The following WDR33 variants were observed in gnomAD, a reference collection of about 807,000 sequenced individuals.
WDR33 encodes WD repeat domain 33, also known as pre-mRNA 3' end processing protein WDR33.
Under a neutral mutation model 164.9 loss-of-function variants are expected in WDR33, and 47 were observed. That is an observed-to-expected ratio of 0.29 (90% CI 0.23 to 0.36). The LOEUF (loss-of-function observed/expected upper bound fraction) is 0.36, where lower values mean the gene tolerates loss of function less well. Ranked by LOEUF, WDR33 falls within the 10% of genes least tolerant of loss-of-function variation. The pLI, the probability that WDR33 is intolerant of heterozygous loss-of-function variation, is 1.00. For synonymous variants in WDR33, 505 were observed against 589.0 expected, an observed-to-expected ratio of 0.86 and a Z score of 2.06; for missense variants, 1,137 against 1,754.1, an observed-to-expected ratio of 0.65 and a Z score of 6.28.
intron 1 of WDR33, among the ~76,000 whole-genome samples, chr2:127,805,399 C>A (rs1573491015): frequency 6.6e-6 from 1 of 151,790 alleles, no homozygotes; most frequent in African/African-American, 2.4e-5. Flanking sequence ...AGTATTTTTG[C>A]CAAAAATATT....
rs952203577 is a variant in WDR33 at position 127,701,516 on chromosome 2, C to T, written c.*4807G>A. ...AGCCGCAGCTTTTCCTTTCTGCCAC[C>T]GCCTTGTCCAAGATGGCGGACCTCC... On this transcript the variant is annotated 3_prime_UTR_variant, in exon 22 of 22. Transcript: ENST00000322313. 15 of 1,296,334 alleles carry T rather than the reference C, an allele frequency of 1.2e-5. No individual in the cohort carries two copies. Among genetic ancestry groups the T allele is most frequent in the Non-Finnish European group, 1.4e-5 (14 of 1,018,396 alleles). 80.3% of individuals were successfully genotyped at this position (1,296,334 alleles called of 1,614,324 possible).
chr2:127,782,886 G>A (rs1240299944), intron 1 of WDR33, among the ~76,000 whole-genome samples: 3 of 152,152 alleles, frequency 2.0e-5, no homozygotes, highest in African/African-American at 7.2e-5. Flanking sequence ...GCAGGCGCCT[G>A]TAGTCCCAGC....
chr2:127,740,255 G>A (rs547403144), intron 7 of WDR33, among the ~76,000 whole-genome samples: 1 of 152,198 alleles, frequency 6.6e-6, no homozygotes, highest in South Asian at 2.1e-4. Context: ...CTCATTTCTA[G>A]GGGGACAAAA....
chr2:127,706,260 G>T lies in WDR33; in HGVS notation c.*63C>A. 1 of 1,394,332 alleles carries T rather than the reference G, an allele frequency of 7.2e-7. No homozygotes were observed. The highest frequency in any genetic ancestry group is 9.6e-7 in the Non-Finnish European group (1 of 1,046,340). 86.4% of individuals were successfully genotyped at this position (1,394,332 alleles called of 1,614,324 possible). ...TGCAGGCTTCCTTTTGTTTCTCTTG[G>T]TGAGTCCACAAGAAGTTCTTACATA... On this transcript the variant is annotated 3_prime_UTR_variant, in exon 22 of 22. Coordinates refer to ENST00000322313, the MANE Select transcript of WDR33 (RefSeq NM_018383.5). The surrounding 1 kb of genome is among the most constrained non-coding windows in gnomAD (Gnocchi z 5.1).
Position 127,735,316 on chromosome 2 carries a change from C to G in WDR33, c.725-8539G>C. ...CATCAGATCCTAAGGAACCTGTTAC[C>G]CCAAGCCCCTAAATAACCTGTCTTG... On this transcript the variant is annotated intron_variant, in intron 7 of 21. Transcript: ENST00000322313. This position sits in a 1 kb window ranked among gnomAD's most constrained non-coding sequence, Gnocchi z 4.3. The G allele has an allele frequency of 1.1e-6, 1 of 939,230 alleles. No homozygotes were observed. The highest frequency in any genetic ancestry group is 1.3e-6 in the Non-Finnish European group (1 of 787,868). 58.2% of individuals were successfully genotyped at this position (939,230 alleles called of 1,614,324 possible).
Position 127,771,092 on chromosome 2 carries a change from C to A in WDR33, c.-23-88G>T, listed in dbSNP as rs1573435783. ...TTTTAAATGAACACTTTTTACATTTCTTTTCCCTTATCTAACGTGCATCAT... is the reference window on the plus strand; with the variant it reads ...TTTTAAATGAACACTTTTTACATTTATTTTCCCTTATCTAACGTGCATCAT... On this transcript the variant is annotated intron_variant, in intron 1 of 21. Coordinates refer to ENST00000322313, the MANE Select transcript of WDR33 (RefSeq NM_018383.5). The A allele has an allele frequency of 1.2e-5, 12 of 1,012,094 alleles. No homozygotes were observed. The East Asian group carries it at 1.6e-4, about 13-fold the overall frequency. The allele number at this position is 1,012,094 out of a possible 1,614,324, so 62.7% of individuals were successfully genotyped here.
rs151251902 is a variant in WDR33 at position 127,729,217 on chromosome 2, A to T, written c.725-2440T>A. Reference sequence around the variant, plus strand: ...AAGTATGTGTAGCGACTCATTTTACATCTGAAGACTGTAAAGCGCAGACAG... The same window carrying T: ...AAGTATGTGTAGCGACTCATTTTACTTCTGAAGACTGTAAAGCGCAGACAG... On this transcript the variant is annotated intron_variant, in intron 7 of 21. Transcript: ENST00000322313. Among the ~76,000 whole-genome samples, 1,424 of 152,370 alleles carry T rather than the reference A, an allele frequency of 9.3e-3. 66 individuals carry two copies. The highest frequency in any genetic ancestry group is 0.08 in the Admixed American group (1,223 of 15,300).
chr2:127,800,553 C>T (rs747080972), intron 1 of WDR33, among the ~76,000 whole-genome samples: 5 of 149,650 alleles, frequency 3.3e-5, no homozygotes, highest in East Asian at 2.0e-4. Context: ...AGGAGAATGG[C>T]ATGAACCCAG....
rs1686356570 is a variant in WDR33, at chr2:127,718,824, C to A, written c.2760+441G>T. On this transcript the variant is annotated intron_variant, in intron 16 of 21. Transcript: ENST00000322313. The surrounding 1 kb of genome is among the most constrained non-coding windows in gnomAD (Gnocchi z 4.4). The stretch of plus-strand genomic sequence containing the variant: ...ATCTTTTAAAAGTAGAGTTGGCAGA[C>A]AGGAAGTGATTCTGTGGCTGGCAGG... Among the ~76,000 whole-genome samples the A allele has an allele frequency of 3.3e-5, 5 of 152,236 alleles. No homozygotes were observed. Among genetic ancestry groups the A allele is most frequent in the African/African-American group, 9.6e-5 (4 of 41,538 alleles).
In WDR33 at chr2:127,719,521, C is replaced by A; in HGVS notation, c.2504G>T (p.Gly835Val). 1 of 1,613,784 alleles carries A rather than the reference C, an allele frequency of 6.2e-7. No individual in the cohort carries two copies. The highest frequency in any genetic ancestry group is 8.5e-7 in the Non-Finnish European group (1 of 1,179,852). ...TCCTTGGGGTGGAGGCCCCTGCATG[C>A]CTCGGATCTCCTGAGGACCTCTCAT... The part of the protein sequence containing the change: ...QEMRGPQEIR[G>V]MQGPPPQGSM... The change falls in exon 16 of 22, where the codon GGC (glycine) becomes GTC (valine). Residue 835 changes from glycine (G) to valine (V), a missense_variant. This residue lies in a region of WDR33 where 867 missense variants were observed against 1,073.0 expected (regional missense o/e 0.81). Coordinates refer to ENST00000322313, the MANE Select transcript of WDR33 (RefSeq NM_018383.5). This position sits in a 1 kb window ranked among gnomAD's most constrained non-coding sequence, Gnocchi z 6.5.
At chr2:127,788,295 G>A (rs1484482496) in intron 1 of WDR33, among the ~76,000 whole-genome samples, 1 of 127,474 alleles carries the variant, frequency 7.8e-6, no homozygotes, top group Non-Finnish European at 1.7e-5. Flanking sequence ...CGGGCGGGGG[G>A]CTGACCCCCC....
intron 18 of WDR33, among the ~76,000 whole-genome samples, chr2:127,711,994 G>A (rs536692059): frequency 1.3e-3 from 196 of 150,624 alleles, no homozygotes; most frequent in African/African-American, 4.4e-3. Flanking sequence ...GGCTGGTCTC[G>A]AACTCCTGAC....
intron 7 of WDR33, among the ~76,000 whole-genome samples, chr2:127,733,497 G>A (rs1686761827): frequency 6.6e-6 from 1 of 152,144 alleles, no homozygotes; most frequent in Non-Finnish European, 1.5e-5. Context: ...AAATCTGTGT[G>A]GAATTCCCTC....
chr2:127,788,238 G>A (rs1231538274), intron 1 of WDR33, among the ~76,000 whole-genome samples: 4 of 135,232 alleles, frequency 3.0e-5, no homozygotes, highest in African/African-American at 1.2e-4. Flanking sequence ...GGCTGGCCAG[G>A]CAGGGGGCTG....
rs1336596615 is a variant in WDR33 at position 127,717,086 on chromosome 2, A to G, written c.2869+69T>C. On this transcript the variant is annotated intron_variant, in intron 17 of 21. Transcript: ENST00000322313. The surrounding 1 kb of genome is among the most constrained non-coding windows in gnomAD (Gnocchi z 5.6). ...AGTCTATCAATGACTGGCCAACAAAATTATTCACTGTAAAATGTGCACAAA... is the reference window on the plus strand; with the variant it reads ...AGTCTATCAATGACTGGCCAACAAAGTTATTCACTGTAAAATGTGCACAAA... 4 of 1,497,250 alleles carry G rather than the reference A, an allele frequency of 2.7e-6. No homozygotes were observed. The highest frequency in any genetic ancestry group is 2.0e-5 in the Admixed American group (1 of 50,904). 92.7% of individuals were successfully genotyped at this position (1,497,250 alleles called of 1,614,324 possible).
chr2:127,731,246 G>T (rs963105411), intron 7 of WDR33, among the ~76,000 whole-genome samples: 1 of 126,986 alleles, frequency 7.9e-6, no homozygotes, highest in African/African-American at 3.1e-5. Flanking sequence ...AGTGAGCCAA[G>T]ATCACGCCAC....
chr2:127,745,137 A>G (rs1019675690), intron 7 of WDR33, among the ~76,000 whole-genome samples: 2 of 152,218 alleles, frequency 1.3e-5, no homozygotes, highest in South Asian at 2.1e-4. Context: ...CACTTCTTTA[A>G]AACGCATACT....
intron 7 of WDR33, among the ~76,000 whole-genome samples, chr2:127,755,983 A>G (rs1687505623): frequency 6.6e-6 from 1 of 152,174 alleles, no homozygotes; most frequent in Admixed American, 6.6e-5. Context: ...GTCTCTTTAC[A>G]ACTAAAGAGA....
rs1198828609 is a variant in WDR33 at position 127,794,377 on chromosome 2, G to A, written c.-24+16635C>T. 1.3e-5 allele frequency among the ~76,000 whole-genome samples: 2 copies of A among 151,422 alleles called. 1 individual carries two copies. Among genetic ancestry groups the A allele is most frequent in the African/African-American group, 4.9e-5 (2 of 41,050 alleles). On this transcript the variant is annotated intron_variant, in intron 1 of 21. Transcript: ENST00000322313. ...TAGCTGGGTGTGGTGGCAGGTGCCT[G>A]TAATCCCAGCTACTCGGGGGGCTGA... is the stretch of plus-strand genomic sequence containing the variant.
Sources: gnomAD v4.1 joint callset for allele counts (sites outside exome capture counted in the v4.1 genomes callset) on GRCh38, gnomAD v4.1.1 for gene constraint, gnomAD v4.1.1 regional missense constraint, Gnocchi (gnomAD v3.1) non-coding constraint, MANE v1.5 for transcripts, NCBI Gene and HGNC (gene_info 2026-07-23, HGNC 2026-07-21) for gene names.